PCDHGA5: variants seen among roughly 807,000 people sequenced by gnomAD.
PCDHGA5 encodes protocadherin gamma-A5.
A neutral mutation model predicts 56.7 loss-of-function variants in PCDHGA5; 36 were observed. That is an observed-to-expected ratio of 0.64 (90% confidence interval 0.49 to 0.84). PCDHGA5 has a LOEUF of 0.84. Ranked by LOEUF, PCDHGA5 falls within the 40% of genes least tolerant of loss-of-function variation. The pLI is 0.00. For synonymous variants in PCDHGA5, 563 were observed against 520.2 expected (o/e 1.08, Z -1.12); for missense variants, 1,305 against 1,201.5 (o/e 1.09, Z -1.27).
chr5:141,388,676 G>C, intron 1 of PCDHGA5: 1 of 1,613,946 alleles, frequency 6.2e-7, no homozygotes, highest in Non-Finnish European at 8.5e-7. Context: ...TGCTACAGGT[G>C]ACTGCCACGG....
At chr5:141,419,116 C>A in intron 1 of PCDHGA5, 2 of 1,613,888 alleles carry the variant, frequency 1.2e-6, no homozygotes. Context: ...CAGAGTACAA[C>A]GTCACCATCG....
At chr5:141,450,004 C>CTTTAT (rs2098662217) in intron 1 of PCDHGA5, among the ~76,000 whole-genome samples, 1 of 75,148 alleles carries the variant, frequency 1.3e-5, no homozygotes, top group Non-Finnish European at 2.3e-5. Flanking sequence ...GTTGCCATGT[C>CTTTAT]TCTTTTTTTT....
intron 1 of PCDHGA5, among the ~76,000 whole-genome samples, chr5:141,472,815 C>T (rs1562036829): frequency 1.3e-5 from 2 of 151,596 alleles, no homozygotes; most frequent in East Asian, 1.9e-4. Flanking sequence ...GAGAAACCCC[C>T]GTCTCTACTA....
chr5:141,461,228 A>C (rs1472527415), intron 1 of PCDHGA5, among the ~76,000 whole-genome samples: 1 of 151,976 alleles, frequency 6.6e-6, no homozygotes, highest in Non-Finnish European at 1.5e-5. Flanking sequence ...TTTTCCATAG[A>C]GGTTGTACTA....
rs771162471 is a variant in PCDHGA5 at position 141,376,386 on chromosome 5, T to C, written c.2421+9635T>C. 3 of 1,614,116 alleles carry C rather than the reference T, an allele frequency of 1.9e-6. No homozygotes were observed. The African/African-American group carries it at 4.0e-5, about 22-fold the overall frequency. Reference sequence around the variant, plus strand: ...ACTGCAGACTCGCGTAAGAGTCATCTGATTTTCCCCCAGCCCAACTATGCC... The same window carrying C: ...ACTGCAGACTCGCGTAAGAGTCATCCGATTTTCCCCCAGCCCAACTATGCC... On this transcript the variant is annotated intron_variant, in intron 1 of 3. Coordinates refer to ENST00000518069, the MANE Select transcript of PCDHGA5 (RefSeq NM_018918.3).
chr5:141,501,706 T>TA (rs2099810629), intron 2 of PCDHGA5, among the ~76,000 whole-genome samples: 1 of 152,094 alleles, frequency 6.6e-6, no homozygotes, highest in South Asian at 2.1e-4. Flanking sequence ...ATTCCGAGGA[T>TA]AAAAAAGACA....
At chr5:141,472,040 G>T (rs1431219928) in intron 1 of PCDHGA5, among the ~76,000 whole-genome samples, 4 of 152,018 alleles carry the variant, frequency 2.6e-5, no homozygotes, top group Non-Finnish European at 5.9e-5. Flanking sequence ...GCTGTGAAAA[G>T]ATTTTAAAAA....
chr5:141,408,865 A>T (rs765751172), intron 1 of PCDHGA5: 9 of 1,613,684 alleles, frequency 5.6e-6, no homozygotes, highest in Admixed American at 1.7e-5. Flanking sequence ...GGGACCCACC[A>T]AGAAGTGCCA....
intron 1 of PCDHGA5, among the ~76,000 whole-genome samples, chr5:141,472,991 AAAAAAAGAAAGAAAAAG>A (rs2099310051): frequency 6.6e-6 from 1 of 151,894 alleles, no homozygotes; most frequent in Admixed American, 6.6e-5. Flanking sequence ...AAAAAAAAAA[AAAAAAAGAAAGAAAAAG>A]AAAAAGAAAG....
intron 1 of PCDHGA5, among the ~76,000 whole-genome samples, chr5:141,448,842 G>A (rs943887884): frequency 6.6e-6 from 1 of 152,182 alleles, no homozygotes; most frequent in Non-Finnish European, 1.5e-5. Context: ...CTACTCTGGA[G>A]GCTGAGGCAG....
Position 141,489,826 on chromosome 5 carries a change from C to T in PCDHGA5, c.2422-4981C>T, listed in dbSNP as rs1270077118. 1 of 1,614,186 alleles carries T rather than the reference C, an allele frequency of 6.2e-7. No individual in the cohort carries two copies. The highest frequency in any genetic ancestry group is 1.7e-5 in the Admixed American group (1 of 60,028). On this transcript the variant is annotated intron_variant, in intron 1 of 3. Coordinates refer to ENST00000518069, the MANE Select transcript of PCDHGA5 (RefSeq NM_018918.3). The surrounding 1 kb of genome is among the most constrained non-coding windows in gnomAD (Gnocchi z 4.5). ...TGGGAAGCCATTCCCAGAGCTGGTGCTAGAGCAGCAGCTGGATCGTGAAGC... is the reference window on the plus strand; with the variant it reads ...TGGGAAGCCATTCCCAGAGCTGGTGTTAGAGCAGCAGCTGGATCGTGAAGC...
At chr5:141,391,839 T>G (rs995589062) in intron 1 of PCDHGA5, 1 of 152,244 alleles carries the variant, frequency 6.6e-6, no homozygotes, top group Non-Finnish European at 1.5e-5. Context: ...AGAATATATG[T>G]AAAAGTCAAG....
At chr5:141,394,097 A>C in intron 1 of PCDHGA5, 1 of 1,613,932 alleles carries the variant, frequency 6.2e-7, no homozygotes, top group South Asian at 1.1e-5. Context: ...CAGATCTAGG[A>C]ACACCACCTC....
At chr5:141,427,839 G>A (rs1276507135) in intron 1 of PCDHGA5, 3 of 1,547,192 alleles carry the variant, frequency 1.9e-6, no homozygotes, top group African/African-American at 2.7e-5. Context: ...GCGTGCCTTC[G>A]ACCACGAGCA....
At chr5:141,473,470 A>G (rs555568617) in intron 1 of PCDHGA5, among the ~76,000 whole-genome samples, 2 of 151,816 alleles carry the variant, frequency 1.3e-5, no homozygotes, top group South Asian at 4.2e-4. Flanking sequence ...AGTTGTGCCA[A>G]GTTCAATGGA....
At chr5:141,406,331 C>A (rs577134835) in intron 1 of PCDHGA5, among the ~76,000 whole-genome samples, 22 of 152,002 alleles carry the variant, frequency 1.4e-4, no homozygotes, top group Non-Finnish European at 2.8e-4. Context: ...CTTACTCCTA[C>A]GATCATTTAT....
intron 1 of PCDHGA5, among the ~76,000 whole-genome samples, chr5:141,456,073 A>G (rs1490650582): frequency 2.6e-5 from 4 of 151,252 alleles, no homozygotes; most frequent in Non-Finnish European, 5.9e-5. Flanking sequence ...AATTTTTTGT[A>G]TTTTCAGTAG....
Position 141,376,431 on chromosome 5 carries a change from A to T in PCDHGA5, c.2421+9680A>T, listed in dbSNP as rs372723180. On this transcript the variant is annotated intron_variant, in intron 1 of 3. Coordinates refer to ENST00000518069, the MANE Select transcript of PCDHGA5 (RefSeq NM_018918.3). ...TATGCCGACACGCTTATCAACCAGG[A>T]GAGCTATGAGAAAAGCGAGCCTCTT... The T allele has an allele frequency of 9.0e-5, 145 of 1,614,074 alleles. No homozygotes were observed. The highest frequency in any genetic ancestry group is 1.2e-4 in the Non-Finnish European group (143 of 1,180,046).
intron 1 of PCDHGA5, chr5:141,388,598 T>C: frequency 1.2e-6 from 2 of 1,613,920 alleles, no homozygotes; most frequent in Non-Finnish European, 1.7e-6. Context: ...CCAATGATAA[T>C]GCTCCAGTGT....
Sources: gnomAD v4.1 joint callset for allele counts (sites outside exome capture counted in the v4.1 genomes callset) on GRCh38, gnomAD v4.1.1 for gene constraint, Gnocchi (gnomAD v3.1) non-coding constraint, MANE v1.5 for transcripts, NCBI Gene and HGNC (gene_info 2026-07-23, HGNC 2026-07-21) for gene names.